The following CTPS2 variants were observed in gnomAD, a reference collection of about 807,000 sequenced individuals.
The protein encoded by CTPS2 is CTP synthase 2, also known as CTP synthase II.
A neutral mutation model predicts 46.8 loss-of-function variants in CTPS2; 19 were observed. The ratio of observed to expected loss-of-function variants is 0.41; its 90% CI spans 0.28 to 0.60. The LOEUF is 0.60. Ranked by LOEUF, CTPS2 falls within the 20% of genes least tolerant of loss-of-function variation. CTPS2 has a pLI of 0.35. For synonymous variants in CTPS2, 151 were observed against 165.2 expected (o/e 0.91, Z 0.66); for missense variants, 286 against 447.6 (o/e 0.64, Z 3.26).
chrX:16,628,935 G>A (rs970666436), intron 14 of CTPS2, among the ~76,000 whole-genome samples: 1 of 112,015 alleles, frequency 8.9e-6, no homozygotes, highest in Non-Finnish European at 1.9e-5. Flanking sequence ...CTTAAACAGT[G>A]CCTTTTCTGT....
chrX:16,657,540 C>G (rs1447634172), intron 13 of CTPS2, among the ~76,000 whole-genome samples: 1 of 111,247 alleles, frequency 9.0e-6, no homozygotes, highest in Non-Finnish European at 1.9e-5. Flanking sequence ...ACAGTAGAAA[C>G]TATTATCATT....
chrX:16,631,602 G>C (rs150019787), intron 14 of CTPS2, among the ~76,000 whole-genome samples: 1 of 112,306 alleles, frequency 8.9e-6, no homozygotes, highest in East Asian at 2.8e-4. Flanking sequence ...ATTCAAACAT[G>C]TGAACTGAAA....
At chrX:16,710,259 G>T (rs1925375170) in intron 1 of CTPS2, among the ~76,000 whole-genome samples, 1 of 112,389 alleles carries the variant, frequency 8.9e-6, no homozygotes, top group Admixed American at 9.5e-5. Flanking sequence ...AGGCTTTGCT[G>T]GGTTTCCCCA....
intron 10 of CTPS2, among the ~76,000 whole-genome samples, chrX:16,678,137 C>T (rs1922433652): frequency 8.9e-6 from 1 of 111,992 alleles, no homozygotes; most frequent in Non-Finnish European, 1.9e-5. Context: ...CACAGTATCC[C>T]CATCCTCCCC....
chrX:16,631,334 C>T (rs1931454807), intron 14 of CTPS2, among the ~76,000 whole-genome samples: 1 of 100,033 alleles, frequency 1.0e-5, no homozygotes, highest in Admixed American at 1.1e-4. Context: ...GGCGACAGAG[C>T]AAGACTCTGT....
intron 13 of CTPS2, among the ~76,000 whole-genome samples, chrX:16,655,155 G>C (rs16980443): frequency 0.063 from 7,060 of 111,536 alleles, 553 homozygotes; most frequent in African/African-American, 0.22. Flanking sequence ...CAAACAGACA[G>C]TTGACGTCAT....
chrX:16,646,042 T>C (rs753973075), intron 13 of CTPS2, among the ~76,000 whole-genome samples: 37 of 113,035 alleles, frequency 3.3e-4, no homozygotes, highest in African/African-American at 1.1e-3. Flanking sequence ...TACTCTGTTA[T>C]AGCAGTGCAA....
intron 1 of CTPS2, among the ~76,000 whole-genome samples, chrX:16,707,736 G>T (rs945601375): frequency 8.9e-6 from 1 of 112,179 alleles, no homozygotes; most frequent in Non-Finnish European, 1.9e-5. Context: ...ACTTTGGGAG[G>T]CCAAGGCGGG....
rs1555954347 is a variant in CTPS2 at position 16,603,419 on chromosome X, A to ATAAATAAG, written c.1691+6121_1691+6122insCTTATTTA. 6.6e-5 allele frequency among the ~76,000 whole-genome samples: 6 copies of ATAAATAAG among 90,955 alleles called. No individual in the cohort carries two copies. The Admixed American group carries it at 7.0e-4, about 11-fold the overall frequency. The allele number at this position is 90,955 out of a possible 115,157, so 79.0% of individuals were successfully genotyped here. ...CAACAGAGTGAGACTTGTCTCAAAA[A>ATAAATAAG]TAAATAAATAAATAAATAAATAAAT... On this transcript the variant is annotated intron_variant, in intron 17 of 18. Coordinates refer to ENST00000359276, the MANE Select transcript of CTPS2 (RefSeq NM_175859.3).
chrX:16,607,859 C>T (rs568941970), intron 17 of CTPS2, among the ~76,000 whole-genome samples: 14 of 112,870 alleles, frequency 1.2e-4, no homozygotes, highest in African/African-American at 3.8e-4. Context: ...TTATTAGGTA[C>T]GATATCCTTG....
chrX:16,697,635 G>A (rs1435521407), intron 4 of CTPS2, among the ~76,000 whole-genome samples: 1 of 108,360 alleles, frequency 9.2e-6, no homozygotes, highest in African/African-American at 3.4e-5. Context: ...GTAGAGACGG[G>A]TTTTCGCCAT....
At chrX:16,702,448 T>C (rs905923869) in intron 2 of CTPS2, among the ~76,000 whole-genome samples, 1 of 112,411 alleles carries the variant, frequency 8.9e-6, no homozygotes. Context: ...CCATTAATAA[T>C]AGTTACTCCA....
chrX:16,700,979 A>G (rs1477297084), intron 2 of CTPS2, among the ~76,000 whole-genome samples: 1 of 111,952 alleles, frequency 8.9e-6, no homozygotes, highest in Non-Finnish European at 1.9e-5. Flanking sequence ...GGCTCCCAGG[A>G]CACAGGACTT....
chrX:16,685,179 G>A (rs1317439430), intron 8 of CTPS2, among the ~76,000 whole-genome samples: 3 of 111,762 alleles, frequency 2.7e-5, no homozygotes, highest in Admixed American at 9.5e-5. Context: ...AGGCAGAGCC[G>A]CATTTGAGAA....
At chrX:16,610,131 T>C (rs747067177) in intron 16 of CTPS2, among the ~76,000 whole-genome samples, 2 of 111,401 alleles carry the variant, frequency 1.8e-5, no homozygotes, top group Non-Finnish European at 3.8e-5. Flanking sequence ...TATCAACCCA[T>C]TGGGCTACCC....
rs1481354624 is a variant in CTPS2 at position 16,588,313 on chromosome X, A to G, written c.*1504T>C. The G allele has an allele frequency of 8.9e-6, 1 of 112,299 alleles. No individual in the cohort carries two copies. The highest frequency in any genetic ancestry group is 1.9e-5 in the Non-Finnish European group (1 of 53,312). 9.3% of individuals were successfully genotyped at this position (112,299 alleles called of 1,213,427 possible). ...TAATTATTCAGCATTCCCTCCCAAG[A>G]TGGGACACTCTGCAATCTTGGTTCC... On this transcript the variant is annotated 3_prime_UTR_variant, in exon 19 of 19. Coordinates refer to ENST00000359276, the MANE Select transcript of CTPS2 (RefSeq NM_175859.3).
At chrX:16,696,616 G>T (rs947216562) in intron 4 of CTPS2, among the ~76,000 whole-genome samples, 2 of 111,855 alleles carry the variant, frequency 1.8e-5, no homozygotes, top group African/African-American at 6.5e-5. Flanking sequence ...GAGGCAAGAT[G>T]ATTGGTTGAG....
chrX:16,593,065 T>C (rs893523849), intron 17 of CTPS2, among the ~76,000 whole-genome samples: 4 of 111,537 alleles, frequency 3.6e-5, no homozygotes, highest in African/African-American at 1.3e-4. Flanking sequence ...GAGATGATAT[T>C]ACAAGGAAAT....
chrX:16,615,926 G>A (rs763084841), intron 16 of CTPS2, among the ~76,000 whole-genome samples: 1 of 112,402 alleles, frequency 8.9e-6, no homozygotes, highest in South Asian at 3.7e-4. Context: ...CCCCTAAACT[G>A]TGTTCCAATA....
Sources: allele counts gnomAD v4.1 joint callset (sites outside exome capture counted in the v4.1 genomes callset), GRCh38; gene constraint gnomAD v4.1.1; transcripts MANE v1.5; gene names NCBI Gene and HGNC (gene_info 2026-07-23, HGNC 2026-07-21).